Variants in CTNNA2 observed in about 807,000 individuals in gnomAD.
CTNNA2 encodes the protein catenin alpha 2.
A neutral mutation model predicts 101.0 loss-of-function variants in CTNNA2; 42 were observed. The ratio of observed to expected loss-of-function variants is 0.42; its 90% CI spans 0.32 to 0.54. The LOEUF is 0.54. CTNNA2 is among the 20% of genes least tolerant of loss of function. The pLI, the probability that CTNNA2 is intolerant of heterozygous loss-of-function variation, is 0.14. For missense variants in CTNNA2, 871 were observed against 1,223.1 expected (o/e 0.71, Z 4.29); for synonymous variants, 450 against 456.4 (o/e 0.99, Z 0.18).
intron 3 of CTNNA2, among the ~76,000 whole-genome samples, chr2:79,853,354 G>T (rs1332913192): frequency 1.3e-5 from 2 of 152,076 alleles, no homozygotes; most frequent in African/African-American, 2.4e-5. Flanking sequence ...GGTTGACCAG[G>T]CTGGATGAAA....
intron 18 of CTNNA2, among the ~76,000 whole-genome samples, chr2:80,637,578 C>A (rs1381867023): frequency 6.6e-6 from 1 of 152,132 alleles, no homozygotes; most frequent in Admixed American, 6.5e-5. Context: ...TCACTGGGAA[C>A]GGAATCTCTC....
chr2:80,018,882 A>G (rs1331103792), intron 7 of CTNNA2, among the ~76,000 whole-genome samples: 1 of 152,146 alleles, frequency 6.6e-6, no homozygotes. Flanking sequence ...TCTGAAAGCG[A>G]AAGAGTAGGT....
chr2:80,407,361 G>T (rs915467352), intron 8 of CTNNA2, among the ~76,000 whole-genome samples: 1 of 152,198 alleles, frequency 6.6e-6, no homozygotes, highest in Non-Finnish European at 1.5e-5. Context: ...GATTGCAGTA[G>T]AAACTTACGT....
chr2:79,681,324 C>T (rs1374404936), intron 2 of CTNNA2, among the ~76,000 whole-genome samples: 7 of 152,168 alleles, frequency 4.6e-5, no homozygotes, highest in Non-Finnish European at 8.8e-5. Context: ...ACCTTCTTTT[C>T]TGTTACTAGA....
chr2:79,195,003 C>G lies in CTNNA2; in HGVS notation c.-523-2956C>G, dbSNP rs116618376. On this transcript the variant is annotated intron_variant, in intron 1 of 21. Coordinates refer to the CTNNA2 transcript ENST00000466387. Reference sequence around the variant, plus strand: ...CCTGCCTGGGGAATAAGGCTCACATCGCCATTTGGAATTGCCACCACTGAG... The same window carrying G: ...CCTGCCTGGGGAATAAGGCTCACATGGCCATTTGGAATTGCCACCACTGAG... 5.6e-3 allele frequency among the ~76,000 whole-genome samples: 846 copies of G among 152,210 alleles called. 4 individuals are homozygous for G. The highest frequency in any genetic ancestry group is 0.019 in the African/African-American group (802 of 41,528).
intron 9 of CTNNA2, among the ~76,000 whole-genome samples, chr2:80,469,280 G>A (rs1455912007): frequency 6.6e-6 from 1 of 152,156 alleles, no homozygotes. Flanking sequence ...TTCATTATAT[G>A]CCTGAACAGC....
intron 12 of CTNNA2, among the ~76,000 whole-genome samples, chr2:80,571,754 A>G: frequency 6.6e-6 from 1 of 152,146 alleles, no homozygotes; most frequent in Admixed American, 6.6e-5. Context: ...ACCCAGATGT[A>G]CTGTCTGTGG....
intron 7 of CTNNA2, among the ~76,000 whole-genome samples, chr2:80,094,630 A>G (rs1486379459): frequency 2.6e-5 from 4 of 152,164 alleles, no homozygotes; most frequent in Non-Finnish European, 4.4e-5. Flanking sequence ...GATTCTTCCT[A>G]CCCATGAGCA....
chr2:80,183,089 A>G (rs987534849), intron 7 of CTNNA2, among the ~76,000 whole-genome samples: 3 of 152,166 alleles, frequency 2.0e-5, no homozygotes, highest in Non-Finnish European at 2.9e-5. Context: ...TATTCCTGGT[A>G]TTATTCCTGG....
intron 6 of CTNNA2, among the ~76,000 whole-genome samples, chr2:79,901,653 A>C (rs902767627): frequency 3.3e-5 from 5 of 152,202 alleles, no homozygotes; most frequent in Non-Finnish European, 1.5e-5. Flanking sequence ...GGTTTAACCA[A>C]TGTTGAAAGC....
chr2:80,089,660 C>A (rs1208376212), intron 7 of CTNNA2, among the ~76,000 whole-genome samples: 1 of 151,952 alleles, frequency 6.6e-6, no homozygotes. Context: ...GTTTCTGACT[C>A]AGTTTTGCAG....
chr2:79,757,891 A>G (rs1672502573), intron 3 of CTNNA2, among the ~76,000 whole-genome samples: 1 of 152,218 alleles, frequency 6.6e-6, no homozygotes, highest in Admixed American at 6.5e-5. Flanking sequence ...CATGTAAAGT[A>G]CTTAGCAACA....
intron 1 of CTNNA2, among the ~76,000 whole-genome samples, chr2:79,590,758 C>A (rs1676795173): frequency 6.6e-6 from 1 of 152,016 alleles, no homozygotes; most frequent in African/African-American, 2.4e-5. Flanking sequence ...TGTTGTCTTG[C>A]AATACCAGTA....
At chr2:80,150,611 G>A (rs1703638442) in intron 7 of CTNNA2, among the ~76,000 whole-genome samples, 1 of 152,124 alleles carries the variant, frequency 6.6e-6, no homozygotes, top group Non-Finnish European at 1.5e-5. Flanking sequence ...CATGTGATTT[G>A]GAGAAGGGCT....
At chr2:79,937,060 C>T (rs151038548) in intron 7 of CTNNA2, among the ~76,000 whole-genome samples, 67 of 152,252 alleles carry the variant, frequency 4.4e-4, no homozygotes, top group African/African-American at 1.6e-3. Flanking sequence ...TGACCTCTTC[C>T]TCCCTTCTTA....
intron 7 of CTNNA2, among the ~76,000 whole-genome samples, chr2:80,248,760 A>C (rs1671538427): frequency 6.6e-6 from 1 of 152,226 alleles, no homozygotes; most frequent in Non-Finnish European, 1.5e-5. Flanking sequence ...TCTCTAGGAC[A>C]TAAAATATTG....
rs1158433720 is a variant in CTNNA2, at chr2:80,486,330, G to T, written c.1291-58652G>T. ...CTAATAGTTCAGGCTCTGCAATTAG[G>T]GCTTGTGTTCAAATCTTGTTTTGTT... is the stretch of plus-strand genomic sequence containing the variant. On this transcript the variant is annotated intron_variant, in intron 9 of 18. Coordinates refer to ENST00000402739, the MANE Select transcript of CTNNA2 (RefSeq NM_001282597.3). Among the ~76,000 whole-genome samples the T allele has an allele frequency of 2.0e-5, 3 of 152,088 alleles. No homozygotes were observed. The East Asian group carries it at 5.8e-4, about 29-fold the overall frequency.
At chr2:80,226,708 T>C (rs1323381375) in intron 7 of CTNNA2, among the ~76,000 whole-genome samples, 1 of 152,032 alleles carries the variant, frequency 6.6e-6, no homozygotes, top group Non-Finnish European at 1.5e-5. Context: ...CTGATGGAGG[T>C]CCTGAGTGAC....
chr2:80,080,331 G>A (rs1022390041), intron 7 of CTNNA2, among the ~76,000 whole-genome samples: 1 of 152,102 alleles, frequency 6.6e-6, no homozygotes, highest in African/African-American at 2.4e-5. Context: ...AGACACAAAT[G>A]GATCAATGGA....
Sources: allele counts gnomAD v4.1 joint callset (sites outside exome capture counted in the v4.1 genomes callset), GRCh38; gene constraint gnomAD v4.1.1; transcripts MANE v1.5; gene names NCBI Gene and HGNC (gene_info 2026-07-23, HGNC 2026-07-21).